Variants in LRRC4C observed in about 807,000 individuals in gnomAD.
LRRC4C encodes leucine-rich repeat-containing protein 4C.
Under a neutral mutation model 33.6 loss-of-function variants are expected in LRRC4C, and 5 were observed. That is an observed-to-expected ratio of 0.15 (90% CI 0.08 to 0.31). The LOEUF is 0.31. Among genes scored for constraint, LRRC4C ranks in the 10% least tolerant of loss-of-function variants. LRRC4C has a pLI of 1.00. For missense variants in LRRC4C, 560 were observed against 796.7 expected (o/e 0.70, Z 3.58); for synonymous variants, 329 against 302.0 (o/e 1.09, Z -0.93).
chr11:41,028,774 GT>G (rs534133378), intron 1 of LRRC4C, among the ~76,000 whole-genome samples: 14 of 150,128 alleles, frequency 9.3e-5, no homozygotes, highest in Middle Eastern at 3.2e-3. Context: ...TGCTTGGAAT[GT>G]TTTTTTTTCT....
At chr11:41,155,671 C>T (rs1458560994) in intron 1 of LRRC4C, among the ~76,000 whole-genome samples, 2 of 152,080 alleles carry the variant, frequency 1.3e-5, no homozygotes, top group Non-Finnish European at 2.9e-5. Flanking sequence ...CCCTACTCTC[C>T]TATTCTTAAG....
intron 1 of LRRC4C, among the ~76,000 whole-genome samples, chr11:41,330,955 T>C (rs1308191785): frequency 6.6e-6 from 1 of 152,144 alleles, no homozygotes; most frequent in Non-Finnish European, 1.5e-5. Flanking sequence ...CTTTGGCCTA[T>C]GGCTCCGTCT....
intron 5 of LRRC4C, among the ~76,000 whole-genome samples, chr11:40,159,025 T>A (rs187759100): frequency 6.6e-6 from 1 of 152,270 alleles, no homozygotes; most frequent in Admixed American, 6.5e-5. Flanking sequence ...ATTGGACAGA[T>A]AGTGGAGTTG....
chr11:40,660,777 C>G lies in LRRC4C; in HGVS notation c.-406-12499G>C, dbSNP rs530769200. ...AATTTGATAGTTTTGTGCCCATTTA[C>G]CATGATAATTTCCACAAGAATATAT... is the stretch of plus-strand genomic sequence containing the variant. On this transcript the variant is annotated intron_variant, in intron 2 of 6. Coordinates refer to ENST00000528697, the MANE Select transcript of LRRC4C (RefSeq NM_001258419.2). Among the ~76,000 whole-genome samples the G allele has an allele frequency of 7.9e-5, 12 of 152,262 alleles. No homozygotes were observed. The East Asian group carries it at 1.4e-3, about 17-fold the overall frequency.
chr11:40,303,194 C>A (rs141738067), intron 4 of LRRC4C, among the ~76,000 whole-genome samples: 59 of 151,886 alleles, frequency 3.9e-4, no homozygotes, highest in African/African-American at 1.4e-3. Flanking sequence ...TTGGAGGTTA[C>A]GAGGATCTAA....
chr11:40,625,947 C>G (rs969587840), intron 3 of LRRC4C, among the ~76,000 whole-genome samples: 1 of 152,136 alleles, frequency 6.6e-6, no homozygotes, highest in Non-Finnish European at 1.5e-5. Context: ...GCAGCCAACA[C>G]GATGCTATTA....
At chr11:40,981,990 C>T (rs1852577943) in intron 1 of LRRC4C, among the ~76,000 whole-genome samples, 1 of 152,042 alleles carries the variant, frequency 6.6e-6, no homozygotes, top group Non-Finnish European at 1.5e-5. Context: ...CCCTCAAGAT[C>T]CTAGAAGATG....
intron 3 of LRRC4C, among the ~76,000 whole-genome samples, chr11:40,491,490 G>A (rs554055151): frequency 1.3e-5 from 2 of 152,208 alleles, no homozygotes; most frequent in South Asian, 2.1e-4. Flanking sequence ...CTCACTTGAG[G>A]CTTGGGGTTC....
At chr11:40,257,901 A>C (rs1371875958) in intron 4 of LRRC4C, among the ~76,000 whole-genome samples, 1 of 152,186 alleles carries the variant, frequency 6.6e-6, no homozygotes, top group Non-Finnish European at 1.5e-5. Flanking sequence ...GTTCTATGTG[A>C]AAATAAATTT....
chr11:40,336,996 AAAAAAAAAAAG>A lies in LRRC4C; in HGVS notation c.-269-17286_-269-17276del, dbSNP rs1261276706. Among the ~76,000 whole-genome samples the A allele has an allele frequency of 3.9e-5, 5 of 127,698 alleles. No individual in the cohort carries two copies. In the East Asian group the frequency reaches 1.3e-3, roughly 34 times the overall value. The allele number at this position is 127,698 out of a possible 152,430, so 83.8% of individuals were successfully genotyped here. On this transcript the variant is annotated intron_variant, in intron 3 of 6. Transcript: ENST00000528697. ...CGTCTCAAAAAAAAAAAAAAAAAAA[AAAAAAAAAAAG>A]AGCGAATCAGGGAAAGGGAGTGGAG...
intron 5 of LRRC4C, among the ~76,000 whole-genome samples, chr11:40,191,357 C>T (rs1264959657): frequency 2.0e-5 from 3 of 152,172 alleles, no homozygotes; most frequent in Non-Finnish European, 4.4e-5. Flanking sequence ...TTCTCCAGTC[C>T]ACACTCTAAG....
At chr11:40,443,571 C>A (rs1951490647) in intron 3 of LRRC4C, among the ~76,000 whole-genome samples, 1 of 152,066 alleles carries the variant, frequency 6.6e-6, no homozygotes, top group South Asian at 2.1e-4. Flanking sequence ...CCTCAGTGAC[C>A]CATTGGTCAT....
intron 1 of LRRC4C, among the ~76,000 whole-genome samples, chr11:41,123,846 TA>T: frequency 6.6e-6 from 1 of 152,324 alleles, no homozygotes; most frequent in South Asian, 2.1e-4. Flanking sequence ...CTACAGCGTG[TA>T]AACTCTTTTC....
chr11:40,313,230 G>T (rs10768594), intron 4 of LRRC4C, among the ~76,000 whole-genome samples: 144,652 of 152,140 alleles, frequency 0.95, 69,244 homozygotes, highest in Non-Finnish European at 1. Flanking sequence ...GTTGCTGGCT[G>T]CTACAGCCCT....
intron 1 of LRRC4C, among the ~76,000 whole-genome samples, chr11:41,121,947 A>G (rs1378462952): frequency 6.6e-6 from 1 of 151,674 alleles, no homozygotes; most frequent in Non-Finnish European, 1.5e-5. Flanking sequence ...AAAAAATCTC[A>G]TCTAGAAAAA....
intron 3 of LRRC4C, among the ~76,000 whole-genome samples, chr11:40,344,700 G>C (rs1412996119): frequency 6.6e-6 from 1 of 151,946 alleles, no homozygotes; most frequent in African/African-American, 2.4e-5. Flanking sequence ...AGTAGGAAGA[G>C]AGAAAGTCAA....
At chr11:41,132,280 A>T (rs1021220293) in intron 1 of LRRC4C, among the ~76,000 whole-genome samples, 1 of 152,194 alleles carries the variant, frequency 6.6e-6, no homozygotes, top group Non-Finnish European at 1.5e-5. Context: ...AAAATGGTAG[A>T]ACTTATACAG....
intron 2 of LRRC4C, among the ~76,000 whole-genome samples, chr11:40,929,209 A>T (rs192356549): frequency 2.0e-3 from 307 of 152,348 alleles, no homozygotes; most frequent in Admixed American, 4.1e-3. Flanking sequence ...ATACCAATAC[A>T]GCCAGCCTTC....
intron 2 of LRRC4C, among the ~76,000 whole-genome samples, chr11:40,912,881 G>C (rs1487385195): frequency 6.6e-6 from 1 of 151,846 alleles, no homozygotes; most frequent in Non-Finnish European, 1.5e-5. Flanking sequence ...AACAAAAAAA[G>C]GCAGGGGTTG....
Sources: allele counts gnomAD v4.1 joint callset (sites outside exome capture counted in the v4.1 genomes callset), GRCh38; gene constraint gnomAD v4.1.1; transcripts MANE v1.5; gene names NCBI Gene and HGNC (gene_info 2026-07-23, HGNC 2026-07-21).